DCDC1: variants seen among roughly 807,000 people sequenced by gnomAD.
The protein encoded by DCDC1 is doublecortin domain containing 1.
DCDC1 carries 200 observed loss-of-function variants against 178.3 expected under a neutral mutation model. That is an observed-to-expected ratio of 1.12 (90% CI 1.00 to 1.26). DCDC1 has a LOEUF of 1.26. DCDC1 is among the 50% of genes most tolerant of loss of function. The pLI is 0.00. For missense variants in DCDC1, 1,983 were observed against 1,749.2 expected (o/e 1.13, Z -2.38); for synonymous variants, 690 against 604.8 (o/e 1.14, Z -2.07).
At chr11:31,023,960 T>G (rs1445171000) in intron 20 of DCDC1, among the ~76,000 whole-genome samples, 1 of 152,026 alleles carries the variant, frequency 6.6e-6, no homozygotes, top group African/African-American at 2.4e-5. Flanking sequence ...TATTACCAAT[T>G]GTACCTAAAA....
intron 1 of DCDC1, among the ~76,000 whole-genome samples, chr11:31,341,418 G>GATAC (rs1434057596): frequency 8.0e-5 from 12 of 149,442 alleles, no homozygotes; most frequent in Non-Finnish European, 1.5e-4. Context: ...TAGATAGATA[G>GATAC]ATAGATAGAT....
intron 9 of DCDC1, among the ~76,000 whole-genome samples, chr11:31,146,836 G>C (rs1964507797): frequency 1.3e-5 from 2 of 152,086 alleles, no homozygotes; most frequent in South Asian, 4.1e-4. Context: ...AATATCCTGG[G>C]ACAAACATCC....
At chr11:31,047,650 A>G (rs1954935798) in intron 20 of DCDC1, among the ~76,000 whole-genome samples, 1 of 152,196 alleles carries the variant, frequency 6.6e-6, no homozygotes, top group Admixed American at 6.5e-5. Flanking sequence ...ACACATTTTT[A>G]TAATGTGACT....
At chr11:31,162,452 C>T (rs1196033947) in intron 9 of DCDC1, among the ~76,000 whole-genome samples, 2 of 151,910 alleles carry the variant, frequency 1.3e-5, no homozygotes, top group Non-Finnish European at 2.9e-5. Context: ...TTGCAGACAC[C>T]TATAGTTTGA....
chr11:31,057,994 G>C (rs964466374), intron 20 of DCDC1, among the ~76,000 whole-genome samples: 1 of 152,066 alleles, frequency 6.6e-6, no homozygotes, highest in Non-Finnish European at 1.5e-5. Flanking sequence ...GCTCTGTGAG[G>C]CCAGAAAGTG....
intron 21 of DCDC1, among the ~76,000 whole-genome samples, chr11:30,951,791 AC>A (rs1207698234): frequency 6.6e-6 from 1 of 152,116 alleles, no homozygotes; most frequent in Non-Finnish European, 1.5e-5. Context: ...GAGAAAAAAA[AC>A]ATTTGGTCTG....
intron 9 of DCDC1, among the ~76,000 whole-genome samples, chr11:31,210,129 A>G (rs1972322832): frequency 6.6e-6 from 1 of 152,150 alleles, no homozygotes; most frequent in South Asian, 2.1e-4. Context: ...TCACCCTTCA[A>G]GTAGAATTTG....
chr11:31,113,300 GTTTT>G lies in DCDC1; in HGVS notation c.1486-2943_1486-2940del, dbSNP rs796921842. On this transcript the variant is annotated intron_variant, in intron 11 of 38. Transcript: ENST00000684477. Reference sequence around the variant, plus strand: ...GTAACATTTTCTTTTTTGTTTGTTTGTTTTTTTATTTTAAGTTCTAGGGTACATG... The same window carrying G: ...GTAACATTTTCTTTTTTGTTTGTTTGTTTATTTTAAGTTCTAGGGTACATG... 2.6e-5 allele frequency among the ~76,000 whole-genome samples: 4 copies of G among 151,782 alleles called. No homozygotes were observed. The South Asian group carries it at 8.3e-4, about 32-fold the overall frequency.
intron 20 of DCDC1, among the ~76,000 whole-genome samples, chr11:30,961,439 A>G (rs959759812): frequency 2.0e-5 from 3 of 152,080 alleles, no homozygotes; most frequent in Admixed American, 2.0e-4. Context: ...TTCCAGCTCA[A>G]ATAAGCAGTG....
chr11:31,349,921 G>A (rs992748792), intron 1 of DCDC1, among the ~76,000 whole-genome samples: 3 of 152,078 alleles, frequency 2.0e-5, no homozygotes, highest in African/African-American at 7.2e-5. Flanking sequence ...AATATTTGTT[G>A]AGAACATGAT....
chr11:31,278,088 A>C (rs1946125629), intron 7 of DCDC1, among the ~76,000 whole-genome samples: 1 of 152,118 alleles, frequency 6.6e-6, no homozygotes, highest in African/African-American at 2.4e-5. Context: ...TTGTGAGGTA[A>C]GTTCTTATCA....
At chr11:31,122,614 T>G (rs1469423867) in intron 11 of DCDC1, among the ~76,000 whole-genome samples, 2 of 152,248 alleles carry the variant, frequency 1.3e-5, no homozygotes, top group East Asian at 3.9e-4. Context: ...TTCACTGATT[T>G]TTGCCAAGTC....
At chr11:31,337,900 G>T (rs1950350975) in intron 1 of DCDC1, among the ~76,000 whole-genome samples, 1 of 152,156 alleles carries the variant, frequency 6.6e-6, no homozygotes, top group African/African-American at 2.4e-5. Flanking sequence ...TAGGGGAAGA[G>T]GAAGGAGCAG....
intron 20 of DCDC1, among the ~76,000 whole-genome samples, chr11:30,995,745 G>C (rs1951229306): frequency 6.6e-6 from 1 of 152,066 alleles, no homozygotes; most frequent in South Asian, 2.1e-4. Flanking sequence ...AAAGAACCTT[G>C]ATAAATACCT....
chr11:31,073,993 G>C (rs139892331), intron 18 of DCDC1, among the ~76,000 whole-genome samples: 16 of 152,294 alleles, frequency 1.1e-4, no homozygotes, highest in African/African-American at 3.8e-4. Context: ...ATCAGTCAGG[G>C]TCCAGTAAGG....
At chr11:31,250,866 TGCCTCA>T (rs1943980157) in intron 8 of DCDC1, among the ~76,000 whole-genome samples, 1 of 151,986 alleles carries the variant, frequency 6.6e-6, no homozygotes, top group African/African-American at 2.4e-5. Flanking sequence ...GCGATTCTCC[TGCCTCA>T]GCCTCCCAAG....
intron 20 of DCDC1, among the ~76,000 whole-genome samples, chr11:30,986,583 G>A (rs900951098): frequency 3.3e-5 from 5 of 151,910 alleles, no homozygotes; most frequent in Admixed American, 6.6e-5. Flanking sequence ...CACCCACCTC[G>A]GCCTCCCAAA....
chr11:31,053,478 A>G (rs1955395121), intron 20 of DCDC1, among the ~76,000 whole-genome samples: 1 of 152,194 alleles, frequency 6.6e-6, no homozygotes, highest in Non-Finnish European at 1.5e-5. Context: ...AATTCATTCT[A>G]TGAAGCCAGC....
chr11:31,287,401 C>T (rs1375325533), intron 7 of DCDC1, among the ~76,000 whole-genome samples: 1 of 151,776 alleles, frequency 6.6e-6, no homozygotes, highest in African/African-American at 2.4e-5. Flanking sequence ...AAAATAATAA[C>T]AGAAAACCTA....
Sources: allele counts gnomAD v4.1 joint callset (sites outside exome capture counted in the v4.1 genomes callset), GRCh38; gene constraint gnomAD v4.1.1; transcripts MANE v1.5; gene names NCBI Gene and HGNC (gene_info 2026-07-23, HGNC 2026-07-21).